Variants in FSIP1 observed in about 807,000 individuals in gnomAD.
FSIP1 encodes the protein fibrous sheath interacting protein 1.
A neutral mutation model predicts 60.9 loss-of-function variants in FSIP1; 65 were observed. The ratio of observed to expected loss-of-function variants is 1.07; its 90% CI spans 0.87 to 1.31. The LOEUF (loss-of-function observed/expected upper bound fraction) is 1.31. Among genes scored for constraint, FSIP1 ranks in the 40% most tolerant of loss-of-function variants. FSIP1 has a pLI of 0.00. For missense variants in FSIP1, 675 were observed against 665.5 expected (o/e 1.01, Z -0.16); for synonymous variants, 209 against 221.2 (o/e 0.94, Z 0.49).
intron 9 of FSIP1, among the ~76,000 whole-genome samples, chr15:39,716,073 A>T (rs757623198): frequency 2.1e-4 from 32 of 152,178 alleles, no homozygotes; most frequent in Non-Finnish European, 4.1e-4. Context: ...ACAGACTAAT[A>T]CACATCTAGA....
At chr15:39,727,272 G>A (rs991786445) in intron 8 of FSIP1, among the ~76,000 whole-genome samples, 1 of 152,152 alleles carries the variant, frequency 6.6e-6, no homozygotes, top group Non-Finnish European at 1.5e-5. Context: ...AATGCCTACT[G>A]AACATATGTA....
intron 10 of FSIP1, among the ~76,000 whole-genome samples, chr15:39,711,994 A>T (rs1340319571): frequency 6.6e-6 from 1 of 151,976 alleles, no homozygotes; most frequent in Non-Finnish European, 1.5e-5. Flanking sequence ...GCCCATTCCT[A>T]CTTCTTCTAC....
intron 10 of FSIP1, among the ~76,000 whole-genome samples, chr15:39,636,149 T>C (rs1446465615): frequency 6.6e-6 from 1 of 152,198 alleles, no homozygotes; most frequent in African/African-American, 2.4e-5. Flanking sequence ...GGTGCCACAG[T>C]CCCAGTTTTG....
intron 10 of FSIP1, among the ~76,000 whole-genome samples, chr15:39,656,272 T>C (rs986495925): frequency 1.3e-5 from 2 of 152,232 alleles, no homozygotes; most frequent in Non-Finnish European, 2.9e-5. Context: ...GAGTATTGCA[T>C]GGGCCATTTG....
At chr15:39,627,427 CCACTTCTA>C (rs771082783) in intron 10 of FSIP1, among the ~76,000 whole-genome samples, 19 of 152,180 alleles carry the variant, frequency 1.2e-4, no homozygotes, top group Non-Finnish European at 2.4e-4. Context: ...GATCAGCTGG[CCACTTCTA>C]GGCTTGTACA....
chr15:39,690,211 G>C (rs892864241), intron 10 of FSIP1, among the ~76,000 whole-genome samples: 19 of 152,212 alleles, frequency 1.2e-4, no homozygotes, highest in Non-Finnish European at 7.3e-5. Context: ...GCCAGCCAGG[G>C]AATCTGGATT....
At chr15:39,607,116 G>A (rs1890854745) in intron 11 of FSIP1, among the ~76,000 whole-genome samples, 1 of 152,144 alleles carries the variant, frequency 6.6e-6, no homozygotes, top group Non-Finnish European at 1.5e-5. Context: ...AGCTAAGTTT[G>A]GGAGATGAAA....
chr15:39,736,904 G>A (rs1019995107), intron 8 of FSIP1, among the ~76,000 whole-genome samples: 1 of 152,178 alleles, frequency 6.6e-6, no homozygotes, highest in African/African-American at 2.4e-5. Flanking sequence ...ATTTAGGTAA[G>A]GGGCCTAGGG....
rs980430107 is a variant in FSIP1, at chr15:39,708,036, G to C, written c.1188+5408C>G. On this transcript the variant is annotated intron_variant, in intron 10 of 11. Coordinates refer to ENST00000350221, the MANE Select transcript of FSIP1 (RefSeq NM_152597.5). ...AAATGATGGAGAGACTGTCTGTGGG[G>C]GCTGTCTTATGGTGCCTATTCTATG... 4.6e-5 allele frequency among the ~76,000 whole-genome samples: 7 copies of C among 152,198 alleles called. No individual in the cohort carries two copies. The South Asian group carries it at 1.0e-3, about 23-fold the overall frequency.
At chr15:39,662,459 A>C (rs1352152293) in intron 10 of FSIP1, among the ~76,000 whole-genome samples, 1 of 152,168 alleles carries the variant, frequency 6.6e-6, no homozygotes, top group East Asian at 1.9e-4. Flanking sequence ...TTAGCAGGTA[A>C]GATGTTTTGA....
chr15:39,620,274 CTT>C (rs761496509), intron 10 of FSIP1, among the ~76,000 whole-genome samples: 5 of 152,162 alleles, frequency 3.3e-5, no homozygotes, highest in South Asian at 2.1e-4. Flanking sequence ...AAAATTGTGA[CTT>C]AACTATTTTG....
At chr15:39,628,796 C>T (rs1276928775) in intron 10 of FSIP1, among the ~76,000 whole-genome samples, 1 of 152,204 alleles carries the variant, frequency 6.6e-6, no homozygotes, top group Non-Finnish European at 1.5e-5. Flanking sequence ...GGGCAAATCA[C>T]TTAACCTTTC....
At chr15:39,665,974 G>A (rs1322572467) in intron 10 of FSIP1, among the ~76,000 whole-genome samples, 2 of 152,130 alleles carry the variant, frequency 1.3e-5, no homozygotes, top group Non-Finnish European at 2.9e-5. Flanking sequence ...TATTCACAAT[G>A]TGGAAAGTGA....
At chr15:39,735,224 A>T (rs890400373) in intron 8 of FSIP1, among the ~76,000 whole-genome samples, 2 of 152,240 alleles carry the variant, frequency 1.3e-5, no homozygotes, top group African/African-American at 4.8e-5. Flanking sequence ...ATGTACCATT[A>T]GGCAATTCTG....
chr15:39,607,428 C>T (rs560017075), intron 11 of FSIP1, among the ~76,000 whole-genome samples: 16 of 152,326 alleles, frequency 1.1e-4, no homozygotes, highest in Middle Eastern at 3.4e-3. Context: ...CTCTCTCAGT[C>T]GGTTCTGACC....
rs775272478 is a variant in FSIP1 at position 39,765,702 on chromosome 15, T to G, written c.355A>C (p.Ile119Leu). The part of the protein sequence containing the change: ...KELDSQLQDA[I>L]QKMKKLDKIL... ...TTATCAAGTTTTTTCATCTTCTGAATAGCATCTTGAAGTTGAGAATCTAAT... is the reference window on the plus strand; with the variant it reads ...TTATCAAGTTTTTTCATCTTCTGAAGAGCATCTTGAAGTTGAGAATCTAAT... The change falls in exon 4 of 12, where the codon ATT (isoleucine) becomes CTT (leucine). Residue 119 changes from isoleucine (I) to leucine (L), a missense_variant. Physicochemically the swap from Ile to Leu is conservative, Grantham distance 5. Coordinates refer to ENST00000350221, the MANE Select transcript of FSIP1 (RefSeq NM_152597.5). 85 of 1,568,328 alleles carry G rather than the reference T, an allele frequency of 5.4e-5. No individual in the cohort carries two copies. The highest frequency in any genetic ancestry group is 7.4e-5 in the Non-Finnish European group (85 of 1,144,282).
chr15:39,645,905 G>T (rs1440222297), intron 10 of FSIP1, among the ~76,000 whole-genome samples: 2 of 152,228 alleles, frequency 1.3e-5, no homozygotes, highest in Non-Finnish European at 2.9e-5. Flanking sequence ...AGGGTCCCCA[G>T]TAAGGCCCCA....
intron 10 of FSIP1, among the ~76,000 whole-genome samples, chr15:39,701,347 A>G (rs1018802557): frequency 3.3e-5 from 5 of 149,870 alleles, no homozygotes; most frequent in African/African-American, 1.3e-4. Context: ...TGGCAAAAAA[A>G]TAATATTCTT....
At chr15:39,777,280 G>C (rs757499780) in intron 1 of FSIP1, among the ~76,000 whole-genome samples, 9 of 151,922 alleles carry the variant, frequency 5.9e-5, no homozygotes, top group Non-Finnish European at 1.0e-4. Context: ...TCTCAGCTCT[G>C]ATTTCTCCTC....
Sources: gnomAD v4.1 joint callset for allele counts (sites outside exome capture counted in the v4.1 genomes callset) on GRCh38, gnomAD v4.1.1 for gene constraint, MANE v1.5 for transcripts, NCBI Gene and HGNC (gene_info 2026-07-23, HGNC 2026-07-21) for gene names.